The following ZFYVE21 variants were observed in gnomAD, a reference collection of about 807,000 sequenced individuals.
The protein encoded by ZFYVE21 is zinc finger FYVE domain-containing protein 21.
ZFYVE21 carries 21 observed loss-of-function variants against 29.5 expected under a neutral mutation model. The observed-to-expected ratio is 0.71, with a 90% CI of 0.50 to 1.02. The LOEUF (loss-of-function observed/expected upper bound fraction) is 1.02, where lower values mean the gene tolerates loss of function less well. Ranked by LOEUF, ZFYVE21 falls within the 50% of genes least tolerant of loss-of-function variation. The pLI, the probability that ZFYVE21 is intolerant of heterozygous loss-of-function variation, is 0.00. For synonymous variants in ZFYVE21, 151 were observed against 133.8 expected (o/e 1.13, Z -0.89); for missense variants, 326 against 335.4 (o/e 0.97, Z 0.22).
chr14:103,720,753 G>A lies in ZFYVE21; in HGVS notation c.138+4774G>A, dbSNP rs182245960. Among the ~76,000 whole-genome samples, 77 of 152,226 alleles carry A rather than the reference G, an allele frequency of 5.1e-4. 1 individual carries two copies. The highest frequency in any genetic ancestry group is 1.8e-3 in the African/African-American group (76 of 41,532). The stretch of plus-strand genomic sequence containing the variant: ...GCATTGGAGTGGGGGAGCGGGTCTC[G>A]ACCTGCAGGTCTCTAAGGAGCTCCA... On this transcript the variant is annotated intron_variant, in intron 1 of 6. Transcript: ENST00000311141.
At chr14:103,730,504 G>A (rs2083964149) in intron 5 of ZFYVE21, 1 of 152,554 alleles carries the variant, frequency 6.6e-6, no homozygotes, top group Non-Finnish European at 1.5e-5. Flanking sequence ...GAAGGCCAGT[G>A]CCTCAGGAGG....
At chr14:103,728,391 C>A (rs965033208) in intron 3 of ZFYVE21, among the ~76,000 whole-genome samples, 112 of 152,214 alleles carry the variant, frequency 7.4e-4, no homozygotes, top group African/African-American at 2.6e-3. Flanking sequence ...CGCCTTCTCC[C>A]CACTGTCCGT....
intron 5 of ZFYVE21, chr14:103,729,790 T>C: frequency 5.2e-6 from 8 of 1,536,512 alleles, no homozygotes; most frequent in Non-Finnish European, 7.0e-6. Flanking sequence ...CTTCTTGCCA[T>C]AGAAAAAGAC....
At chr14:103,730,199 G>T in intron 5 of ZFYVE21, 1 of 284,510 alleles carries the variant, frequency 3.5e-6, no homozygotes, top group Non-Finnish European at 6.7e-6. Context: ...CCCGAGGCCT[G>T]CTGCTCCCCA....
intron 5 of ZFYVE21, chr14:103,732,343 C>CTGGAGGT: frequency 3.1e-6 from 1 of 326,840 alleles, no homozygotes. Flanking sequence ...AGAGCAAGGC[C>CTGGAGGT]TCTCGTGGTG....
intron 1 of ZFYVE21, chr14:103,725,984 T>G (rs1229814962): frequency 6.6e-6 from 1 of 152,306 alleles, no homozygotes; most frequent in African/African-American, 2.4e-5. Flanking sequence ...TTCCTGTTTC[T>G]GTCTACCTTT....
intron 5 of ZFYVE21, chr14:103,729,708 C>T (rs1479204411): frequency 1.1e-5 from 16 of 1,471,202 alleles, no homozygotes; most frequent in Admixed American, 4.0e-5. Context: ...ATGCGTGTGC[C>T]GTAACCCATG....
chr14:103,722,651 C>G lies in ZFYVE21; in HGVS notation c.139-4141C>G, dbSNP rs1332252776. On this transcript the variant is annotated intron_variant, in intron 1 of 6. Transcript: ENST00000311141. Reference sequence around the variant, plus strand: ...TGGCTAACACAGTGAAACCCCGTCTCTACTAAAAATACAAAAAATTAGCTG... The same window carrying G: ...TGGCTAACACAGTGAAACCCCGTCTGTACTAAAAATACAAAAAATTAGCTG... Among the ~76,000 whole-genome samples the G allele has an allele frequency of 2.6e-5, 4 of 152,046 alleles. No individual in the cohort carries two copies. In the East Asian group the frequency reaches 7.7e-4, roughly 29 times the overall value.
At chr14:103,726,075 CTG>C (rs2151952015) in intron 1 of ZFYVE21, 1 of 152,494 alleles carries the variant, frequency 6.6e-6, no homozygotes, top group Admixed American at 6.5e-5. Flanking sequence ...TACAGCTTCT[CTG>C]TGCCTGGGTC....
At chr14:103,732,318 C>T (rs950661142) in intron 5 of ZFYVE21, 21 of 265,844 alleles carry the variant, frequency 7.9e-5, no homozygotes, top group African/African-American at 4.4e-4. Flanking sequence ...GGCATAGCAG[C>T]GCCTCAATTA....
intron 2 of ZFYVE21, chr14:103,727,044 C>T (rs2083933480): frequency 3.7e-6 from 2 of 537,872 alleles, no homozygotes; most frequent in Admixed American, 3.3e-5. Flanking sequence ...CTCTCAGGTT[C>T]AAGTGATTCT....
intron 2 of ZFYVE21, chr14:103,727,340 C>T (rs1238763091): frequency 5.0e-5 from 19 of 377,062 alleles, no homozygotes; most frequent in East Asian, 1.4e-4. Context: ...GTGCAGCTTG[C>T]GAGGCCTGTG....
intron 3 of ZFYVE21, 48 bp downstream of exon 3, chr14:103,727,962 C>T (rs1352613469): frequency 5.8e-6 from 9 of 1,559,990 alleles, no homozygotes; most frequent in Admixed American, 1.8e-5. Context: ...CCAGCCGGCT[C>T]CTCGTGTCTG....
intron 5 of ZFYVE21, chr14:103,730,095 T>G: frequency 1.9e-6 from 1 of 530,096 alleles, no homozygotes; most frequent in Non-Finnish European, 3.3e-6. Context: ...AATTGACAGC[T>G]CTCTGTCAGT....
At chr14:103,727,551 T>A in intron 2 of ZFYVE21, 195 bp from the exon 3 acceptor site, 1 of 737,710 alleles carries the variant, frequency 1.4e-6, no homozygotes, top group Non-Finnish European at 2.4e-6. Flanking sequence ...AAGGGCCTCA[T>A]TTCCCAGGTG....
intron 6 of ZFYVE21, 35 bp from the exon 7 acceptor site, chr14:103,732,948 C>G: frequency 6.2e-7 from 1 of 1,614,034 alleles, no homozygotes; most frequent in Non-Finnish European, 8.5e-7. Context: ...CAGGACCAAG[C>G]AGGCCTCACT....
intron 3 of ZFYVE21, among the ~76,000 whole-genome samples, chr14:103,728,549 C>T (rs1488323395): frequency 1.3e-5 from 2 of 152,226 alleles, no homozygotes; most frequent in East Asian, 3.8e-4. Context: ...TGCCTCCTTT[C>T]TGCTGTCTTG....
At chr14:103,729,309 A>C (rs1174159054) in intron 5 of ZFYVE21, 127 bp downstream of exon 5, 1 of 898,282 alleles carries the variant, frequency 1.1e-6, no homozygotes, top group Non-Finnish European at 1.7e-6. Context: ...TTTCCAGGAC[A>C]ATCTGCCTTT....
intron 5 of ZFYVE21, chr14:103,729,736 T>C: frequency 6.5e-7 from 1 of 1,531,304 alleles, no homozygotes. Flanking sequence ...CCTTCCGTTC[T>C]CTCACCGGCT....
Sources: gnomAD v4.1 joint callset for allele counts (sites outside exome capture counted in the v4.1 genomes callset) on GRCh38, gnomAD v4.1.1 for gene constraint, MANE v1.5 for transcripts, NCBI Gene and HGNC (gene_info 2026-07-23, HGNC 2026-07-21) for gene names.